RCBTB1: variants seen among roughly 807,000 people sequenced by gnomAD.
RCBTB1 encodes the protein RCC1 and BTB domain containing protein 1.
A neutral mutation model predicts 62.4 loss-of-function variants in RCBTB1; 46 were observed. That is an observed-to-expected ratio of 0.74 (90% CI 0.58 to 0.94). RCBTB1 has a LOEUF of 0.94. Ranked by LOEUF, RCBTB1 falls within the 40% of genes least tolerant of loss-of-function variation. The probability of loss-of-function intolerance (pLI) is 0.00; values close to 1 mark genes in which losing one functional copy is unlikely to be tolerated. For synonymous variants in RCBTB1, 222 were observed against 245.8 expected, an observed-to-expected ratio of 0.90 and a Z score of 0.91; for missense variants, 565 against 654.9, an observed-to-expected ratio of 0.86 and a Z score of 1.50.
chr13:49,549,539 G>A lies in RCBTB1; in HGVS notation c.964C>T (p.His322Tyr). 1.2e-6 allele frequency: 2 copies of A among 1,614,126 alleles called. No individual in the cohort carries two copies. The highest frequency in any genetic ancestry group is 4.5e-5 in the East Asian group (2 of 44,878). ...QCRGQSVILP[H>Y]LTHFSCTDDV... ...TCGGTGCAGGAGAAGTGGGTGAGGT[G>A]CGGGAGGATCACGGACTGACCCCGG... is the stretch of plus-strand genomic sequence containing the variant. The change falls in exon 9 of 13, where the codon CAC (histidine) becomes TAC (tyrosine). Residue 322 changes from histidine to tyrosine, a missense_variant. Transcript: ENST00000378302.
intron 4 of RCBTB1, among the ~76,000 whole-genome samples, chr13:49,565,157 G>A (rs1030660815): frequency 1.3e-5 from 2 of 152,156 alleles, no homozygotes; most frequent in Non-Finnish European, 2.9e-5. Context: ...TGCGATTGCA[G>A]GGGCGCGCCG....
intron 2 of RCBTB1, among the ~76,000 whole-genome samples, chr13:49,572,554 C>A (rs1209675118): frequency 6.6e-6 from 1 of 152,030 alleles, no homozygotes; most frequent in Non-Finnish European, 1.5e-5. Flanking sequence ...GTAATCCCAG[C>A]ACTTTTGGGA....
At chr13:49,540,814 C>A (rs547457032) in intron 12 of RCBTB1, 62 bp downstream of exon 12, 28 of 1,550,666 alleles carry the variant, frequency 1.8e-5, no homozygotes, top group Non-Finnish European at 2.4e-5. Flanking sequence ...ACGCAAGAAG[C>A]GGGGGAGACG....
intron 1 of RCBTB1, among the ~76,000 whole-genome samples, chr13:49,584,900 C>T (rs1468438076): frequency 2.0e-5 from 3 of 152,134 alleles, no homozygotes; most frequent in Non-Finnish European, 2.9e-5. Flanking sequence ...ACAAGGGAAA[C>T]GTCACTTATT....
rs748680186 is a variant in RCBTB1 at position 49,544,903 on chromosome 13, G to A, written c.1046-40C>T. ...CATATATTAATATGGCAAGTTCAAGGAACAGATTGAAGATTCAAAAGACTT... is the reference window on the plus strand; with the variant it reads ...CATATATTAATATGGCAAGTTCAAGAAACAGATTGAAGATTCAAAAGACTT... On this transcript the variant is annotated intron_variant, in intron 9 of 12. Coordinates refer to ENST00000378302, the MANE Select transcript of RCBTB1 (RefSeq NM_018191.4). 5 of 1,535,276 alleles carry A rather than the reference G, an allele frequency of 3.3e-6. No homozygotes were observed. In the Admixed American group the frequency reaches 9.2e-5, roughly 28 times the overall value.
chr13:49,547,097 G>A, intron 9 of RCBTB1: 1 of 1,283,442 alleles, frequency 7.8e-7, no homozygotes, highest in Middle Eastern at 2.2e-4. Flanking sequence ...GCTTCAGCTG[G>A]GTATGCCATA....
intron 12 of RCBTB1, 37 bp downstream of exon 12, chr13:49,540,839 T>C: frequency 6.2e-7 from 1 of 1,605,576 alleles, no homozygotes; most frequent in Non-Finnish European, 8.5e-7. Flanking sequence ...CAAAGGGAGT[T>C]AAAGGTGGTC....
chr13:49,551,242 A>C, intron 8 of RCBTB1, 84 bp downstream of exon 8: 1 of 1,480,088 alleles, frequency 6.8e-7, no homozygotes, highest in South Asian at 1.3e-5. Flanking sequence ...GAAGAATCAC[A>C]AAGCCAAACA....
chr13:49,552,874 G>A (rs1385813505), intron 6 of RCBTB1, among the ~76,000 whole-genome samples: 3 of 152,012 alleles, frequency 2.0e-5, no homozygotes, highest in Admixed American at 6.6e-5. Context: ...ACACAACTGC[G>A]GTAGTGGTAG....
rs545550799 is a variant in RCBTB1 at position 49,559,438 on chromosome 13, C to T, written c.444+480G>A. ...TTTGGAGGCCAAGGCGGGCAGATCA[C>T]GAGGTCAGGAGATCGAGACCATCCT... On this transcript the variant is annotated intron_variant, in intron 5 of 12. Coordinates refer to ENST00000378302, the MANE Select transcript of RCBTB1 (RefSeq NM_018191.4). Among the ~76,000 whole-genome samples, 113 of 152,186 alleles carry T rather than the reference C, an allele frequency of 7.4e-4. 1 individual carries two copies. Among genetic ancestry groups the T allele is most frequent in the African/African-American group, 2.6e-3 (107 of 41,538 alleles).
In RCBTB1 at chr13:49,566,783, GT is replaced by G. The variant is rs746564535; in HGVS notation, c.127-16del. On this transcript the variant is annotated splice_polypyrimidine_tract_variant and intron_variant, in intron 3 of 12. Transcript: ENST00000378302. ...AATACAAAGACCTAGAAAATAGATA[GT>G]TTTTTTTCTGAGTCTTTTGACCGAA... 6.0e-5 allele frequency: 95 copies of G among 1,586,952 alleles called. No homozygotes were observed. The highest frequency in any genetic ancestry group is 7.5e-5 in the Non-Finnish European group (88 of 1,169,076).
chr13:49,582,915 G>A (rs948450213), intron 1 of RCBTB1, among the ~76,000 whole-genome samples: 37 of 152,296 alleles, frequency 2.4e-4, no homozygotes, highest in Middle Eastern at 3.4e-3. Flanking sequence ...GGTTGCTCAC[G>A]CCTGTAATCC....
At chr13:49,562,538 T>TAG (rs1962526810) in intron 4 of RCBTB1, among the ~76,000 whole-genome samples, 1 of 147,290 alleles carries the variant, frequency 6.8e-6, no homozygotes, top group Non-Finnish European at 1.5e-5. Context: ...AAAAAAAATT[T>TAG]GGAAGATCAC....
At chr13:49,536,688 T>C (rs552581795) in intron 12 of RCBTB1, among the ~76,000 whole-genome samples, 101 of 152,254 alleles carry the variant, frequency 6.6e-4, no homozygotes, top group African/African-American at 1.9e-3. Flanking sequence ...TTATAGCCCA[T>C]GGAATAGGGA....
At chr13:49,558,555 A>C (rs1223233425) in intron 5 of RCBTB1, among the ~76,000 whole-genome samples, 1 of 151,828 alleles carries the variant, frequency 6.6e-6, no homozygotes, top group African/African-American at 2.4e-5. Context: ...TTAGCCAGGC[A>C]TGGTGGCAGG....
chr13:49,551,894 C>A (rs1194885800), intron 7 of RCBTB1, among the ~76,000 whole-genome samples: 5 of 78,234 alleles, frequency 6.4e-5, no homozygotes, highest in African/African-American at 2.2e-4. Flanking sequence ...AGGGAGACTC[C>A]GTCTCAAAAA....
At chr13:49,549,149 AG>A (rs1285111959) in intron 9 of RCBTB1, among the ~76,000 whole-genome samples, 2 of 140,052 alleles carry the variant, frequency 1.4e-5, no homozygotes, top group African/African-American at 2.7e-5. Flanking sequence ...AAAAAAAAAA[AG>A]GTGGATGTAC....
intron 6 of RCBTB1, 150 bp downstream of exon 6, chr13:49,555,365 A>AGGTTTTTT: frequency 1.5e-6 from 1 of 665,196 alleles, no homozygotes; most frequent in Non-Finnish European, 2.6e-6. Context: ...AAAAACCTCC[A>AGGTTTTTT]GCTCCTCAGT....
rs186536860 is a variant in RCBTB1 at position 49,582,898 on chromosome 13, C to T, written c.-121-2314G>A. 7.9e-5 allele frequency among the ~76,000 whole-genome samples: 12 copies of T among 152,086 alleles called. No individual in the cohort carries two copies. The East Asian group carries it at 9.7e-4, about 12-fold the overall frequency. On this transcript the variant is annotated intron_variant, in intron 1 of 12. Transcript: ENST00000378302. ...TAGCAATAAACAGTGGAGTGGAGGC[C>T]GGGTGTGGTTGCTCACGCCTGTAAT...
Sources: allele counts gnomAD v4.1 joint callset (sites outside exome capture counted in the v4.1 genomes callset), GRCh38; gene constraint gnomAD v4.1.1; transcripts MANE v1.5; gene names NCBI Gene and HGNC (gene_info 2026-07-23, HGNC 2026-07-21).